CEP63: variants seen among roughly 807,000 people sequenced by gnomAD.
The protein encoded by CEP63 is centrosomal protein of 63 kDa.
Under a neutral mutation model 89.1 loss-of-function variants are expected in CEP63, and 84 were observed. The observed-to-expected ratio is 0.94, with a 90% confidence interval of 0.79 to 1.13. The LOEUF (loss-of-function observed/expected upper bound fraction) is 1.13. Among genes scored for constraint, CEP63 ranks in the 50% most tolerant of loss-of-function variants. CEP63 has a pLI of 0.00. For synonymous variants in CEP63, 267 were observed against 272.5 expected, an observed-to-expected ratio of 0.98 and a Z score of 0.20; for missense variants, 838 against 813.3, an observed-to-expected ratio of 1.03 and a Z score of -0.37.
the CEP63 span, among the ~76,000 whole-genome samples, chr3:134,774,633 C>T: frequency 6.6e-6 from 1 of 152,176 alleles, no homozygotes; most frequent in Admixed American, 6.5e-5. Context: ...CACCTGAGCC[C>T]TAGGTGAAGC....
chr3:134,619,320 TCCACCCCAACC>T, the CEP63 span: 1 of 1,344,074 alleles, frequency 7.4e-7, no homozygotes, highest in Non-Finnish European at 1.1e-6. Flanking sequence ...GCGAGAAGAC[TCCACCCCAACC>T]CCCAGCTGTG....
rs771145113 is a variant in CEP63 at position 134,550,168 on chromosome 3, A to C, written c.1288A>C (p.Thr430Pro). The stretch of plus-strand genomic sequence containing the variant: ...TCAGGAGTTACATCAGCGAGATATC[A>C]CTATTGCTTCCACCAAAGGTTCTTC... ...LTQELHQRDI[T>P]IASTKGSSSD... Residue 430 changes from threonine (T) to proline (P), a missense_variant, in exon 11 of 15, where the codon ACT becomes CCT. Coordinates refer to ENST00000675561, the MANE Select transcript of CEP63 (RefSeq NM_001353108.3). 33 of 1,613,870 alleles carry C rather than the reference A, an allele frequency of 2.0e-5. No homozygotes were observed. In the Admixed American group the frequency reaches 5.5e-4, roughly 27 times the overall value.
At chr3:134,616,747 C>T in the CEP63 span, among the ~76,000 whole-genome samples, 2 of 152,180 alleles carry the variant, frequency 1.3e-5, no homozygotes, top group East Asian at 3.8e-4. Context: ...AGGCAAGTGT[C>T]AATTTTCTGA....
the CEP63 span, among the ~76,000 whole-genome samples, chr3:134,731,944 G>C: frequency 6.6e-6 from 1 of 152,182 alleles, no homozygotes; most frequent in Admixed American, 6.6e-5. Context: ...CCAAGGGAAA[G>C]GGGCTTAAAA....
At chr3:134,617,991 A>G in the CEP63 span, among the ~76,000 whole-genome samples, 1 of 151,874 alleles carries the variant, frequency 6.6e-6, no homozygotes, top group Admixed American at 6.6e-5. Flanking sequence ...AGCAGGAGGT[A>G]TGCTTGGGTC....
At chr3:134,688,767 C>T in the CEP63 span, among the ~76,000 whole-genome samples, 2 of 152,178 alleles carry the variant, frequency 1.3e-5, no homozygotes, top group African/African-American at 2.4e-5. Flanking sequence ...ACCAGGATGG[C>T]AAGGCAAATG....
chr3:134,761,534 A>C, the CEP63 span, among the ~76,000 whole-genome samples: 3 of 152,202 alleles, frequency 2.0e-5, no homozygotes, highest in African/African-American at 7.2e-5. Flanking sequence ...CATTTTATCC[A>C]GGAGAGTAAG....
chr3:134,486,307 A>G (rs1160049834), intron 1 of CEP63, 105 bp downstream of exon 1: 1 of 985,432 alleles, frequency 1.0e-6, no homozygotes, highest in Non-Finnish European at 1.2e-6. Context: ...GAGGCGGCCC[A>G]GGCTGCCTTG....
the CEP63 span, among the ~76,000 whole-genome samples, chr3:134,778,855 G>A: frequency 2.6e-5 from 4 of 152,196 alleles, no homozygotes; most frequent in South Asian, 6.2e-4. Context: ...CCACCGCGCG[G>A]CCATTTTTGC....
Position 134,550,100 on chromosome 3 carries a change from GT to G in CEP63, c.1222del (p.Ser408LeufsTer3). 1.9e-6 allele frequency: 3 copies of G among 1,613,998 alleles called. No homozygotes were observed. Among genetic ancestry groups the G allele is most frequent in the Non-Finnish European group, 2.5e-6 (3 of 1,179,902 alleles). The stretch of plus-strand genomic sequence containing the variant: ...ATTTTACAGGGTGAACAAAGTTACA[GT>G]TCTGCACTAGAAGGAATGAAGATGG... Reference protein sequence around the residue: ...EQILQGEQSYSSALEGMKMEI... With the variant: ...EQILQGEQSYXSALEGMKMEI... On this transcript the variant is annotated frameshift_variant, in exon 11 of 15. Transcript: ENST00000675561. LOFTEE classifies it high-confidence loss of function.
the CEP63 span, among the ~76,000 whole-genome samples, chr3:134,741,766 C>T: frequency 2.0e-5 from 3 of 152,200 alleles, no homozygotes; most frequent in African/African-American, 7.2e-5. Context: ...TTAAACACAT[C>T]TAAATCCTTA....
intron 5 of CEP63, chr3:134,535,895 C>T (rs866863173): frequency 1.3e-5 from 2 of 152,212 alleles, no homozygotes; most frequent in African/African-American, 4.8e-5. Flanking sequence ...AGCAGCTTCT[C>T]TTAAAAATCT....
In CEP63 at chr3:134,550,056, TTTATAG is replaced by T; in HGVS notation, c.1183-4_1184del. ...CTTTTGGTGCTTTCTTTTCTGCTTC[TTTATAG>T]TTGAAAGAACAGATTTTACAGGGTG... On this transcript the variant is annotated splice_acceptor_variant and splice_polypyrimidine_tract_variant and intron_variant, in intron 10 of 14. Transcript: ENST00000675561. LOFTEE classifies it high-confidence loss of function. 1.2e-6 allele frequency: 2 copies of T among 1,608,554 alleles called. No homozygotes were observed. The highest frequency in any genetic ancestry group is 1.7e-6 in the Non-Finnish European group (2 of 1,174,908).
chr3:134,682,114 G>A, the CEP63 span, among the ~76,000 whole-genome samples: 1 of 152,180 alleles, frequency 6.6e-6, no homozygotes, highest in African/African-American at 2.4e-5. Flanking sequence ...AGTTCTTTGA[G>A]CAATGCCATG....
chr3:134,666,246 C>T, the CEP63 span, among the ~76,000 whole-genome samples: 1 of 152,170 alleles, frequency 6.6e-6, no homozygotes. Context: ...GCCTCTGGGC[C>T]CAGGGTCCTG....
the CEP63 span, among the ~76,000 whole-genome samples, chr3:134,714,006 A>G: frequency 1.1e-4 from 16 of 152,282 alleles, no homozygotes; most frequent in East Asian, 3.1e-3. Context: ...TGTCTGTGAA[A>G]GGGATGGTGA....
chr3:134,673,623 T>A, the CEP63 span, among the ~76,000 whole-genome samples: 1 of 152,132 alleles, frequency 6.6e-6, no homozygotes, highest in Admixed American at 6.5e-5. Flanking sequence ...CTGCCCTTTG[T>A]CCTTTTGTGT....
the CEP63 span, chr3:134,627,919 T>C: frequency 1.2e-6 from 1 of 858,848 alleles, no homozygotes; most frequent in Admixed American, 2.0e-5. Flanking sequence ...TGACCCCTCC[T>C]CTTTACTCTC....
rs116653137 is a variant in CEP63, at chr3:134,513,281, A to G, written c.222+5995A>G. ...ATAGAGCATAGTTTTGAGATCTTGT[A>G]TATCTGAAAATAATCTTTATTCTAT... On this transcript the variant is annotated intron_variant, in intron 3 of 14. Coordinates refer to ENST00000675561, the MANE Select transcript of CEP63 (RefSeq NM_001353108.3). Among the ~76,000 whole-genome samples the G allele has an allele frequency of 3.3e-3, 508 of 152,328 alleles. 4 individuals carry two copies. Among genetic ancestry groups the G allele is most frequent in the African/African-American group, 0.011 (467 of 41,586 alleles).
Sources: allele counts gnomAD v4.1 joint callset (sites outside exome capture counted in the v4.1 genomes callset), GRCh38; gene constraint gnomAD v4.1.1; transcripts MANE v1.5; gene names NCBI Gene and HGNC (gene_info 2026-07-23, HGNC 2026-07-21).